The following NFAT5 variants were observed in gnomAD, a reference collection of about 807,000 sequenced individuals.
NFAT5 encodes the protein nuclear factor of activated T cells 5.
NFAT5 carries 31 observed loss-of-function variants against 166.5 expected under a neutral mutation model. The ratio of observed to expected loss-of-function variants is 0.19; its 90% CI spans 0.14 to 0.25. NFAT5 has a LOEUF of 0.25. Ranked by LOEUF, NFAT5 falls within the 10% of genes least tolerant of loss-of-function variation. The pLI is 1.00. For missense variants in NFAT5, 1,449 were observed against 1,821.8 expected, an observed-to-expected ratio of 0.80 and a Z score of 3.72; for synonymous variants, 612 against 639.7, an observed-to-expected ratio of 0.96 and a Z score of 0.65.
rs191061573 is a variant in NFAT5 at position 69,682,455 on chromosome 16, A to G, written c.1691-2432A>G. ...AGACCCCCCCCCCCGCCATCCCTAC[A>G]AAGAAAAAATAATACTAAGCTGAGC... On this transcript the variant is annotated intron_variant, in intron 10 of 14. Coordinates refer to ENST00000349945, the MANE Select transcript of NFAT5 (RefSeq NM_138713.4). Among the ~76,000 whole-genome samples the G allele has an allele frequency of 1.9e-3, 275 of 147,618 alleles. 2 individuals carry two copies. The highest frequency in any genetic ancestry group is 6.3e-3 in the African/African-American group (258 of 40,642).
chr16:69,630,899 T>A lies in NFAT5; in HGVS notation c.253+4371T>A, dbSNP rs960907735. ...CTGCTGTATAATCAAATATTTTTAA[T>A]CTATGTGCTTACAGTTTTAATCATT... is the stretch of plus-strand genomic sequence containing the variant. On this transcript the variant is annotated intron_variant, in intron 3 of 14. Transcript: ENST00000349945. Among the ~76,000 whole-genome samples the A allele has an allele frequency of 4.6e-5, 7 of 152,318 alleles. No homozygotes were observed. The East Asian group carries it at 1.3e-3, about 29-fold the overall frequency.
At chr16:69,587,768 C>T (rs1407596546) in intron 2 of NFAT5, among the ~76,000 whole-genome samples, 1 of 151,954 alleles carries the variant, frequency 6.6e-6, no homozygotes, top group Non-Finnish European at 1.5e-5. Flanking sequence ...CCACAGCTGA[C>T]AATTTATTTG....
chr16:69,583,817 A>AG (rs979259672), intron 2 of NFAT5, among the ~76,000 whole-genome samples: 5 of 152,180 alleles, frequency 3.3e-5, no homozygotes, highest in Admixed American at 2.6e-4. Context: ...GAAGGAAGGA[A>AG]GGGTTTTGGA....
intron 2 of NFAT5, among the ~76,000 whole-genome samples, chr16:69,576,439 T>G (rs1408749564): frequency 6.6e-6 from 1 of 152,144 alleles, no homozygotes; most frequent in African/African-American, 2.4e-5. Context: ...GAGACAAATT[T>G]TATAAACTAC....
At chr16:69,581,780 A>G (rs1439457174) in intron 2 of NFAT5, among the ~76,000 whole-genome samples, 1 of 152,150 alleles carries the variant, frequency 6.6e-6, no homozygotes, top group African/African-American at 2.4e-5. Flanking sequence ...TGAACTTTTT[A>G]TGATGAAAAA....
At chr16:69,668,453 A>G (rs933421774) in intron 7 of NFAT5, among the ~76,000 whole-genome samples, 1 of 152,222 alleles carries the variant, frequency 6.6e-6, no homozygotes, top group Non-Finnish European at 1.5e-5. Context: ...TTGCATATAC[A>G]TAATGAGGTT....
intron 1 of NFAT5, among the ~76,000 whole-genome samples, chr16:69,567,694 T>C (rs1188961173): frequency 6.6e-6 from 1 of 152,102 alleles, no homozygotes; most frequent in African/African-American, 2.4e-5. Context: ...TGTCTGTTGC[T>C]CCAATGACTT....
chr16:69,611,265 A>G (rs927972790), intron 2 of NFAT5, among the ~76,000 whole-genome samples: 6 of 152,218 alleles, frequency 3.9e-5, no homozygotes, highest in African/African-American at 9.6e-5. Context: ...GCCATGGAAC[A>G]GATCTCTATT....
intron 2 of NFAT5, among the ~76,000 whole-genome samples, chr16:69,579,493 GAC>G (rs1210670585): frequency 6.6e-6 from 1 of 151,906 alleles, no homozygotes; most frequent in Non-Finnish European, 1.5e-5. Context: ...GTAGTTGAAA[GAC>G]AGAATGTCAT....
chr16:69,625,092 G>A (rs878959284), intron 2 of NFAT5, among the ~76,000 whole-genome samples: 1 of 151,712 alleles, frequency 6.6e-6, no homozygotes, highest in Non-Finnish European at 1.5e-5. Context: ...AGTAGAGATG[G>A]GGTTTCACTA....
intron 4 of NFAT5, among the ~76,000 whole-genome samples, chr16:69,651,878 G>T (rs923342981): frequency 3.9e-5 from 6 of 151,946 alleles, no homozygotes; most frequent in African/African-American, 1.5e-4. Flanking sequence ...CACCATGTTG[G>T]CCAGGATGGT....
At chr16:69,588,800 A>G (rs956790662) in intron 2 of NFAT5, among the ~76,000 whole-genome samples, 1 of 152,138 alleles carries the variant, frequency 6.6e-6, no homozygotes, top group African/African-American at 2.4e-5. Context: ...GGAACCTATA[A>G]TATTGCCTAG....
Position 69,566,620 on chromosome 16 carries a change from CG to C in NFAT5, c.73+250del, listed in dbSNP as rs1018366580. Among the ~76,000 whole-genome samples the C allele has an allele frequency of 6.6e-6, 1 of 151,978 alleles. No individual in the cohort carries two copies. Among genetic ancestry groups the C allele is most frequent in the African/African-American group, 2.4e-5 (1 of 41,404 alleles). Reference sequence around the variant, plus strand: ...TCGGGGCCCAGATTCCGTCGGCCCCCGGGGCTCTGCGGCACCGGTCGCTTCT... The same window carrying C: ...TCGGGGCCCAGATTCCGTCGGCCCCCGGGCTCTGCGGCACCGGTCGCTTCT... On this transcript the variant is annotated intron_variant, in intron 1 of 14. Coordinates refer to ENST00000349945, the MANE Select transcript of NFAT5 (RefSeq NM_138713.4). The surrounding 1 kb of genome is among the most constrained non-coding windows in gnomAD (Gnocchi z 5.7).
At chr16:69,605,903 C>T (rs1297293381) in intron 2 of NFAT5, among the ~76,000 whole-genome samples, 1 of 152,006 alleles carries the variant, frequency 6.6e-6, no homozygotes, top group African/African-American at 2.4e-5. Flanking sequence ...TTAGTAGAGA[C>T]GGGGTTTCAC....
intron 10 of NFAT5, among the ~76,000 whole-genome samples, chr16:69,684,244 C>G (rs1182458280): frequency 7.4e-5 from 8 of 108,598 alleles, no homozygotes; most frequent in Non-Finnish European, 1.4e-4. Context: ...GGCGACCTAG[C>G]GAGACTGCCT....
chr16:69,595,135 C>T (rs1354831461), intron 2 of NFAT5, among the ~76,000 whole-genome samples: 1 of 152,182 alleles, frequency 6.6e-6, no homozygotes, highest in Non-Finnish European at 1.5e-5. Flanking sequence ...CAATACTTTG[C>T]ATCCTTCAAT....
At chr16:69,625,765 A>G (rs1272223040) in intron 2 of NFAT5, among the ~76,000 whole-genome samples, 1 of 152,064 alleles carries the variant, frequency 6.6e-6, no homozygotes, top group Non-Finnish European at 1.5e-5. Flanking sequence ...ATTGCAAAGG[A>G]AGATACTGGA....
intron 11 of NFAT5, among the ~76,000 whole-genome samples, chr16:69,689,973 T>G (rs2037486743): frequency 6.6e-6 from 1 of 152,220 alleles, no homozygotes; most frequent in Non-Finnish European, 1.5e-5. Flanking sequence ...ATTAAGAAAT[T>G]TAACAGCTAT....
At chr16:69,670,356 T>G (rs1362178190) in intron 9 of NFAT5, 68 bp downstream of exon 9, 1 of 966,966 alleles carries the variant, frequency 1.0e-6, no homozygotes, top group East Asian at 2.6e-5. Flanking sequence ...GTTTTGAAAT[T>G]TTCCTGAATC....
Sources: allele counts gnomAD v4.1 joint callset (sites outside exome capture counted in the v4.1 genomes callset), GRCh38; gene constraint gnomAD v4.1.1; non-coding constraint Gnocchi (gnomAD v3.1); transcripts MANE v1.5; gene names NCBI Gene and HGNC (gene_info 2026-07-23, HGNC 2026-07-21).